CDKL1: variants seen among roughly 807,000 people sequenced by gnomAD.
The protein encoded by CDKL1 is cyclin dependent kinase like 1.
In CDKL1, 41 loss-of-function variants were observed where a neutral mutation model predicts 42.0. The observed-to-expected ratio is 0.98, with a 90% CI of 0.76 to 1.27. The LOEUF (loss-of-function observed/expected upper bound fraction) is 1.27. CDKL1 is among the 50% of genes most tolerant of loss of function. The probability of loss-of-function intolerance (pLI) is 0.00; values close to 1 mark genes in which losing one functional copy is unlikely to be tolerated. For synonymous variants in CDKL1, 153 were observed against 158.6 expected, an observed-to-expected ratio of 0.96 and a Z score of 0.26; for missense variants, 394 against 428.4, an observed-to-expected ratio of 0.92 and a Z score of 0.71.
chr14:50,369,177 A>G (rs1033913762), intron 2 of CDKL1, among the ~76,000 whole-genome samples: 1 of 151,938 alleles, frequency 6.6e-6, no homozygotes, highest in African/African-American at 2.4e-5. Context: ...GCTACCCTTA[A>G]CCAGGAAATG....
At chr14:50,350,347 A>G (rs1722421839) in intron 3 of CDKL1, among the ~76,000 whole-genome samples, 1 of 152,222 alleles carries the variant, frequency 6.6e-6, no homozygotes, top group African/African-American at 2.4e-5. Flanking sequence ...AAGGGCTAGA[A>G]CAGGTATGAA....
At chr14:50,369,861 C>T (rs1040372289) in intron 2 of CDKL1, among the ~76,000 whole-genome samples, 8 of 152,004 alleles carry the variant, frequency 5.3e-5, no homozygotes, top group South Asian at 2.1e-4. Context: ...TCAAGTGATC[C>T]GCCCACCCCA....
At chr14:50,376,982 T>G (rs942326267) in intron 2 of CDKL1, among the ~76,000 whole-genome samples, 4 of 152,242 alleles carry the variant, frequency 2.6e-5, no homozygotes, top group African/African-American at 9.6e-5. Flanking sequence ...GTCTTAAGGA[T>G]GTTTGGGAAA....
intron 2 of CDKL1, among the ~76,000 whole-genome samples, chr14:50,379,748 G>A (rs967613434): frequency 1.3e-5 from 2 of 152,222 alleles, no homozygotes; most frequent in Non-Finnish European, 2.9e-5. Flanking sequence ...GTGGAAACCT[G>A]CAGCTCCTCG....
intron 2 of CDKL1, among the ~76,000 whole-genome samples, chr14:50,383,215 C>A (rs2034972731): frequency 6.6e-6 from 1 of 152,028 alleles, no homozygotes; most frequent in African/African-American, 2.4e-5. Flanking sequence ...GTGTGAGCCA[C>A]CATGTCTGGC....
At position 50,327,857 on chromosome 14, in the gene CDKL1, T is replaced by G. The variant is rs890288823; in HGVS notation, c.*2217A>C. 1 of 152,180 alleles carries G rather than the reference T, an allele frequency of 6.6e-6. No homozygotes were observed. Among genetic ancestry groups the G allele is most frequent in the African/African-American group, 2.4e-5 (1 of 41,424 alleles). The allele number at this position is 152,180 out of a possible 1,614,324, so 9.4% of individuals were successfully genotyped here. A position where few individuals can be genotyped will look rare whatever the true frequency, so the allele number is the denominator to read the frequency against. ...TTCGTTGTGTTTAACAATGTTGTGT[T>G]TAACAGCTTATACAAATAACACAGT... On this transcript the variant is annotated 3_prime_UTR_variant, in exon 10 of 10. Transcript: ENST00000395834.
intron 4 of CDKL1, 183 bp from the exon 5 acceptor site, chr14:50,342,405 C>G: frequency 1.5e-6 from 2 of 1,353,354 alleles, no homozygotes; most frequent in African/African-American, 1.5e-5. Context: ...CTGAATCATC[C>G]CAAATTCCTA....
intron 9 of CDKL1, 45 bp from the exon 10 acceptor site, chr14:50,330,226 AT>A: frequency 3.2e-6 from 5 of 1,574,976 alleles, no homozygotes; most frequent in Admixed American, 2.1e-5. Flanking sequence ...TGTGCCATGC[AT>A]TTTTTTCATT....
intron 6 of CDKL1, 143 bp from the exon 7 acceptor site, chr14:50,339,172 GGCAACCCACA>G: frequency 1.5e-6 from 1 of 645,924 alleles, no homozygotes; most frequent in South Asian, 1.6e-5. Context: ...GAGGCATTCA[GGCAACCCACA>G]GCAACCTGTA....
rs2032787696 is a variant in CDKL1 at position 50,328,409 on chromosome 14, G to A, written c.*1665C>T. The A allele has an allele frequency of 2.6e-5, 4 of 152,114 alleles. No homozygotes were observed. Among genetic ancestry groups the A allele is most frequent in the African/African-American group, 7.2e-5 (3 of 41,422 alleles). The allele number at this position is 152,114 out of a possible 1,614,324, so 9.4% of individuals were successfully genotyped here. A position where few individuals can be genotyped will look rare whatever the true frequency, so the allele number is the denominator to read the frequency against. ...ACTGCCTAGGGTAGTCAAAATTATT[G>A]AGTAGACACCAGACCTCAGTGGATT... On this transcript the variant is annotated 3_prime_UTR_variant, in exon 10 of 10. Transcript: ENST00000395834.
At chr14:50,388,539 A>G (rs12894832) in intron 2 of CDKL1, among the ~76,000 whole-genome samples, 80,305 of 152,022 alleles carry the variant, frequency 0.53, 21,492 homozygotes, top group Middle Eastern at 0.7. Context: ...CCACAGCACT[A>G]TGTTAAAATC....
At chr14:50,351,578 A>G (rs147429378) in intron 3 of CDKL1, among the ~76,000 whole-genome samples, 2 of 152,132 alleles carry the variant, frequency 1.3e-5, no homozygotes, top group East Asian at 1.9e-4. Context: ...TACAAAAAAT[A>G]CAAAAAATTA....
At chr14:50,378,138 A>G (rs1890978) in intron 2 of CDKL1, 1,017,073 of 1,354,002 alleles carry the variant, frequency 0.75, 384,059 homozygotes, top group African/African-American at 0.88. Context: ...TAGGAAAAGC[A>G]ACTCAGTTCC....
intron 2 of CDKL1, among the ~76,000 whole-genome samples, chr14:50,389,161 C>T (rs1304242740): frequency 6.6e-6 from 1 of 150,926 alleles, no homozygotes; most frequent in Non-Finnish European, 1.5e-5. Context: ...AACTGTAGCT[C>T]CTGTCCCCAT....
At chr14:50,378,137 C>T (rs1317558408) in intron 2 of CDKL1, 4 of 1,355,920 alleles carry the variant, frequency 3.0e-6, no homozygotes, top group African/African-American at 1.5e-5. Context: ...CTAGGAAAAG[C>T]AACTCAGTTC....
chr14:50,343,098 C>T, intron 4 of CDKL1: 1 of 1,220,812 alleles, frequency 8.2e-7, no homozygotes, highest in Non-Finnish European at 1.1e-6. Context: ...ACATGATTTT[C>T]TCATTAAATG....
At chr14:50,378,349 G>T (rs2034795186) in intron 2 of CDKL1, 2 of 1,366,200 alleles carry the variant, frequency 1.5e-6, no homozygotes, top group South Asian at 2.3e-5. Flanking sequence ...GGAAATAACT[G>T]CACTCAAGAA....
At chr14:50,369,329 C>G (rs76024044) in intron 2 of CDKL1, among the ~76,000 whole-genome samples, 1 of 151,948 alleles carries the variant, frequency 6.6e-6, no homozygotes, top group Non-Finnish European at 1.5e-5. Context: ...TTTAGGTCAC[C>G]GCAGTCACCC....
rs55719234 is a variant in CDKL1 at position 50,385,070 on chromosome 14, C to CAA, written c.168+10629_168+10630dup. On this transcript the variant is annotated intron_variant, in intron 2 of 9. Coordinates refer to ENST00000395834, the MANE Select transcript of CDKL1 (RefSeq NM_004196.7). ...TGGGTGACAGAGCAAGACTCTGTCT[C>CAA]AAAAAAAAAAAAAAAAAAAAAAAAA... Among the ~76,000 whole-genome samples, 55 of 93,554 alleles carry CAA rather than the reference C, an allele frequency of 5.9e-4. 1 individual carries two copies. Among genetic ancestry groups the CAA allele is most frequent in the South Asian group, 1.9e-3 (4 of 2,154 alleles). 61.4% of individuals were successfully genotyped at this position (93,554 alleles called of 152,430 possible). A position where few individuals can be genotyped will look rare whatever the true frequency, so the allele number is the denominator to read the frequency against.
Sources: allele counts gnomAD v4.1 joint callset (sites outside exome capture counted in the v4.1 genomes callset), GRCh38; gene constraint gnomAD v4.1.1; transcripts MANE v1.5; gene names NCBI Gene and HGNC (gene_info 2026-07-23, HGNC 2026-07-21).